PCDH15: variants seen among roughly 807,000 people sequenced by gnomAD.
PCDH15 encodes protocadherin-15.
A neutral mutation model predicts 178.5 loss-of-function variants in PCDH15; 129 were observed. That is an observed-to-expected ratio of 0.72 (90% CI 0.63 to 0.84). The LOEUF is 0.84. PCDH15 is among the 40% of genes least tolerant of loss of function. The pLI is 0.00. For missense variants in PCDH15, 2,230 were observed against 2,099.9 expected (o/e 1.06, Z -1.21); for synonymous variants, 800 against 732.0 (o/e 1.09, Z -1.50).
chr10:55,056,776 G>A (rs920507901), intron 2 of PCDH15, among the ~76,000 whole-genome samples: 11 of 151,650 alleles, frequency 7.3e-5, no homozygotes, highest in Non-Finnish European at 1.5e-4. Context: ...GGGATTACAG[G>A]TGCATGCTGC....
chr10:54,345,031 A>G (rs34592098), intron 6 of PCDH15, among the ~76,000 whole-genome samples: 1 of 150,078 alleles, frequency 6.7e-6, no homozygotes, highest in African/African-American at 2.4e-5. Flanking sequence ...CACAGCCAGT[A>G]CAAGTTTTTT....
chr10:54,283,959 G>A (rs2058870394), intron 8 of PCDH15, among the ~76,000 whole-genome samples: 1 of 152,118 alleles, frequency 6.6e-6, no homozygotes, highest in Non-Finnish European at 1.5e-5. Flanking sequence ...AGCCTCCTGA[G>A]TAACTAAGAC....
chr10:54,339,381 G>T (rs1941812210), intron 6 of PCDH15, among the ~76,000 whole-genome samples: 1 of 151,866 alleles, frequency 6.6e-6, no homozygotes, highest in Non-Finnish European at 1.5e-5. Flanking sequence ...AAAATCAGCA[G>T]TATTTTACAA....
At chr10:55,150,349 T>C (rs894388192) in intron 2 of PCDH15, among the ~76,000 whole-genome samples, 6 of 152,172 alleles carry the variant, frequency 3.9e-5, no homozygotes, top group Non-Finnish European at 7.3e-5. Context: ...AGCTCTGTGA[T>C]ACTATCAGCC....
At position 55,174,246 on chromosome 10, in the gene PCDH15, C is replaced by T. The variant is rs537517070; in HGVS notation, c.-155-7595G>A. 3.6e-4 allele frequency among the ~76,000 whole-genome samples: 55 copies of T among 152,168 alleles called. No individual in the cohort carries two copies. In the South Asian group the frequency reaches 0.011, roughly 30 times the overall value. On this transcript the variant is annotated intron_variant, in intron 1 of 5. Transcript: ENST00000458638. ...ACTGATGCTAGCAACAGGAGACAGG[C>T]AAATTCCTAGGCAGAAAGGACTCAG...
chr10:54,716,679 A>T (rs559502119), intron 1 of PCDH15, among the ~76,000 whole-genome samples: 1 of 152,164 alleles, frequency 6.6e-6, no homozygotes, highest in African/African-American at 2.4e-5. Context: ...AAATGGCCAT[A>T]CCACCCAAGG....
intron 1 of PCDH15, among the ~76,000 whole-genome samples, chr10:55,196,747 A>G: frequency 6.6e-6 from 1 of 152,082 alleles, no homozygotes; most frequent in Non-Finnish European, 1.5e-5. Context: ...TTATGTAAAG[A>G]AAAATTTTCC....
At position 54,346,400 on chromosome 10, in the gene PCDH15, T is replaced by A; in HGVS notation, c.559A>T (p.Ile187Leu). ...TDIDDGPNGQ[I>L]EYVIQYNPDD... is the part of the protein sequence containing the mutation. ...GGATTATACTGAATAACATACTCTA[T>A]CTGTCCATTTGGTCCATCATCTATA... The change falls in exon 6 of 38, where the codon ATA becomes TTA. Residue 187 changes from isoleucine to leucine, a missense_variant. Transcript: ENST00000644397. The A allele has an allele frequency of 6.2e-7, 1 of 1,613,604 alleles. No homozygotes were observed. The highest frequency in any genetic ancestry group is 8.5e-7 in the Non-Finnish European group (1 of 1,179,574).
At chr10:54,943,994 T>C (rs2131866493) in intron 2 of PCDH15, among the ~76,000 whole-genome samples, 1 of 151,924 alleles carries the variant, frequency 6.6e-6, no homozygotes, top group South Asian at 2.1e-4. Context: ...TAGCCAAGAA[T>C]AAAGATTCAG....
intron 2 of PCDH15, among the ~76,000 whole-genome samples, chr10:55,469,933 C>T (rs1174405851): frequency 6.6e-6 from 1 of 152,030 alleles, no homozygotes; most frequent in Non-Finnish European, 1.5e-5. Flanking sequence ...ATTCATCTTT[C>T]CTCCTGGTGT....
intron 2 of PCDH15, among the ~76,000 whole-genome samples, chr10:54,597,218 T>C (rs571838584): frequency 7.9e-5 from 12 of 151,842 alleles, no homozygotes; most frequent in Non-Finnish European, 1.5e-4. Context: ...CCTCAGCAAA[T>C]GCAAAAGAAA....
chr10:54,721,699 A>T (rs972294531), intron 1 of PCDH15, among the ~76,000 whole-genome samples: 4 of 151,898 alleles, frequency 2.6e-5, no homozygotes, highest in African/African-American at 9.7e-5. Context: ...ATAGACCCAT[A>T]ATGACTAACA....
chr10:55,359,747 T>TACAC lies in PCDH15; in HGVS notation c.-155-193100_-155-193097dup, dbSNP rs57691062. Among the ~76,000 whole-genome samples the TACAC allele has an allele frequency of 5.6e-3, 461 of 81,616 alleles. 7 individuals are homozygous for TACAC. Among genetic ancestry groups the TACAC allele is most frequent in the African/African-American group, 0.014 (405 of 27,998 alleles). The allele number at this position is 81,616 out of a possible 152,430, so 53.5% of individuals were successfully genotyped here. A position where few individuals can be genotyped will look rare whatever the true frequency, so the allele number is the denominator to read the frequency against. ...ATATATATATATATATATATATATATACACACACACACACACACACACACA... is the reference window on the plus strand; with the variant it reads ...ATATATATATATATATATATATATATACACACACACACACACACACACACACACA... On this transcript the variant is annotated intron_variant, in intron 2 of 5. Coordinates refer to the PCDH15 transcript ENST00000613346.
chr10:54,863,916 A>G (rs1953891654), intron 3 of PCDH15, among the ~76,000 whole-genome samples: 1 of 152,150 alleles, frequency 6.6e-6, no homozygotes, highest in African/African-American at 2.4e-5. Flanking sequence ...TGTAGCAGTA[A>G]TGTTTGAATA....
intron 2 of PCDH15, among the ~76,000 whole-genome samples, chr10:55,414,641 T>C (rs7912787): frequency 0.46 from 69,556 of 151,256 alleles, 16,779 homozygotes; most frequent in Middle Eastern, 0.52. Flanking sequence ...TTTTTGATGC[T>C]ATTATGAGAT....
intron 5 of PCDH15, among the ~76,000 whole-genome samples, chr10:54,361,636 C>T (rs976244945): frequency 6.6e-6 from 1 of 151,918 alleles, no homozygotes; most frequent in Admixed American, 6.6e-5. Context: ...AAAACTGAAA[C>T]CTATGCTGTG....
chr10:53,872,272 C>T (rs1222932062), intron 26 of PCDH15, among the ~76,000 whole-genome samples: 5 of 152,138 alleles, frequency 3.3e-5, no homozygotes, highest in Non-Finnish European at 7.4e-5. Flanking sequence ...CTCACTGCAT[C>T]GATTTAATTC....
chr10:54,907,220 C>T (rs746319208), intron 2 of PCDH15, among the ~76,000 whole-genome samples: 1 of 152,124 alleles, frequency 6.6e-6, no homozygotes, highest in Non-Finnish European at 1.5e-5. Flanking sequence ...ATTAATGACA[C>T]TAATAAATAT....
chr10:54,362,248 A>C lies in PCDH15; in HGVS notation c.474+6872T>G, dbSNP rs148696155. Among the ~76,000 whole-genome samples the C allele has an allele frequency of 8.3e-3, 1,263 of 152,226 alleles. 4 individuals carry two copies. Among genetic ancestry groups the C allele is most frequent in the Admixed American group, 0.016 (248 of 15,272 alleles). ...GTAAACATATCTATGCAGTATTCTT[A>C]TTATGAACAAATTTGGATAAGAACA... On this transcript the variant is annotated intron_variant, in intron 5 of 37. Coordinates refer to ENST00000644397, the MANE Select transcript of PCDH15 (RefSeq NM_001384140.1).
Sources: allele counts gnomAD v4.1 joint callset (sites outside exome capture counted in the v4.1 genomes callset), GRCh38; gene constraint gnomAD v4.1.1; transcripts MANE v1.5; gene names NCBI Gene and HGNC (gene_info 2026-07-23, HGNC 2026-07-21).